Variants in STXBP4 observed in about 807,000 individuals in gnomAD.
The protein encoded by STXBP4 is syntaxin binding protein 4.
STXBP4 carries 55 observed loss-of-function variants against 76.1 expected under a neutral mutation model. The ratio of observed to expected loss-of-function variants is 0.72; its 90% CI spans 0.58 to 0.91. The LOEUF (loss-of-function observed/expected upper bound fraction) is 0.91. Ranked by LOEUF, STXBP4 falls within the 40% of genes least tolerant of loss-of-function variation. The pLI is 0.00. For missense variants in STXBP4, 618 were observed against 636.9 expected (o/e 0.97, Z 0.32); for synonymous variants, 201 against 220.2 (o/e 0.91, Z 0.77).
chr17:55,077,110 G>T (rs1214219266), intron 13 of STXBP4, among the ~76,000 whole-genome samples: 1 of 151,982 alleles, frequency 6.6e-6, no homozygotes, highest in East Asian at 1.9e-4. Flanking sequence ...TTAAATATCT[G>T]CTGTCTTTAT....
At chr17:55,022,920 A>G (rs1016833224) in intron 8 of STXBP4, among the ~76,000 whole-genome samples, 8 of 152,190 alleles carry the variant, frequency 5.3e-5, no homozygotes, top group Admixed American at 6.5e-5. Flanking sequence ...GTAAAAAGCC[A>G]TTGAGCCATT....
At chr17:55,098,119 A>T (rs920995422) in intron 16 of STXBP4, among the ~76,000 whole-genome samples, 2 of 152,172 alleles carry the variant, frequency 1.3e-5, no homozygotes, top group African/African-American at 4.8e-5. Flanking sequence ...GAGAACTGGA[A>T]ACCCTGGAAG....
At chr17:55,184,449 T>C in the STXBP4 span, among the ~76,000 whole-genome samples, 1 of 152,240 alleles carries the variant, frequency 6.6e-6, no homozygotes, top group African/African-American at 2.4e-5. Context: ...TCTAGCACCC[T>C]TGAAGTCCCC....
intron 16 of STXBP4, 128 bp downstream of exon 16, chr17:55,081,311 T>C (rs374958044): frequency 1.8e-5 from 11 of 610,732 alleles, no homozygotes; most frequent in East Asian, 1.7e-4. Flanking sequence ...ATAAAAATAT[T>C]AATGTACCAA....
intron 17 of STXBP4, among the ~76,000 whole-genome samples, chr17:55,142,115 T>C (rs1207346952): frequency 6.6e-6 from 1 of 152,212 alleles, no homozygotes; most frequent in East Asian, 1.9e-4. Context: ...AAGATTCTAC[T>C]ATCTGCACTA....
chr17:55,047,795 A>G (rs2144763548), intron 12 of STXBP4, among the ~76,000 whole-genome samples: 1 of 152,054 alleles, frequency 6.6e-6, no homozygotes, highest in African/African-American at 2.4e-5. Flanking sequence ...AGATAGAACC[A>G]TACAGGACCC....
intron 8 of STXBP4, among the ~76,000 whole-genome samples, chr17:55,027,286 A>G (rs2078433238): frequency 6.6e-6 from 1 of 152,170 alleles, no homozygotes; most frequent in East Asian, 1.9e-4. Flanking sequence ...CTGGTAGCTT[A>G]ACACAAGGGA....
At chr17:54,984,590 G>T (rs12941554) in intron 1 of STXBP4, among the ~76,000 whole-genome samples, 1 of 151,606 alleles carries the variant, frequency 6.6e-6, no homozygotes, top group Admixed American at 6.6e-5. Flanking sequence ...TGATCCACCC[G>T]CCTCGGCCAC....
chr17:55,097,249 G>A (rs925297578), intron 16 of STXBP4, among the ~76,000 whole-genome samples: 1 of 152,182 alleles, frequency 6.6e-6, no homozygotes, highest in African/African-American at 2.4e-5. Context: ...TCTTAGACAA[G>A]TTATTTTACA....
the STXBP4 span, among the ~76,000 whole-genome samples, chr17:55,187,669 C>A: frequency 6.6e-6 from 1 of 152,160 alleles, no homozygotes; most frequent in African/African-American, 2.4e-5. Context: ...CCGAATTTCC[C>A]CCCAGGGAGG....
intron 12 of STXBP4, among the ~76,000 whole-genome samples, chr17:55,069,924 G>A (rs1472002842): frequency 1.3e-5 from 2 of 151,832 alleles, no homozygotes; most frequent in Non-Finnish European, 2.9e-5. Context: ...AGAATTTCCT[G>A]CCCTTTCTCT....
intron 16 of STXBP4, among the ~76,000 whole-genome samples, chr17:55,086,314 T>A (rs1252205464): frequency 1.3e-5 from 2 of 152,180 alleles, no homozygotes; most frequent in Non-Finnish European, 2.9e-5. Context: ...ATAGTGATAT[T>A]TTGATACACA....
At chr17:55,111,175 A>G (rs991124025) in intron 16 of STXBP4, among the ~76,000 whole-genome samples, 36 of 152,300 alleles carry the variant, frequency 2.4e-4, no homozygotes, top group African/African-American at 7.9e-4. Context: ...CCTTCAATAC[A>G]TAAATTAGAC....
At chr17:55,093,015 G>T (rs1174521956) in intron 16 of STXBP4, among the ~76,000 whole-genome samples, 1 of 151,384 alleles carries the variant, frequency 6.6e-6, no homozygotes, top group African/African-American at 2.4e-5. Context: ...GTTTTTTGGA[G>T]ACAGGGTCTC....
At chr17:55,020,436 G>C (rs978275047) in intron 8 of STXBP4, among the ~76,000 whole-genome samples, 2 of 144,712 alleles carry the variant, frequency 1.4e-5, no homozygotes, top group Non-Finnish European at 3.1e-5. Context: ...TGCAGTCTTT[G>C]GCTGTCAAAT....
At chr17:55,083,653 T>C (rs1687618815) in intron 16 of STXBP4, among the ~76,000 whole-genome samples, 1 of 152,176 alleles carries the variant, frequency 6.6e-6, no homozygotes, top group Non-Finnish European at 1.5e-5. Flanking sequence ...CTGATGACTC[T>C]ACTGGGCTGG....
intron 8 of STXBP4, among the ~76,000 whole-genome samples, chr17:55,010,179 C>T (rs1173792591): frequency 1.3e-5 from 2 of 151,778 alleles, no homozygotes; most frequent in African/African-American, 4.8e-5. Context: ...AATTAGCCTA[C>T]CCAGTACAAT....
At chr17:55,059,228 G>A (rs2078967635) in intron 12 of STXBP4, among the ~76,000 whole-genome samples, 1 of 151,912 alleles carries the variant, frequency 6.6e-6, no homozygotes, top group Non-Finnish European at 1.5e-5. Context: ...TTGTAACTCA[G>A]GCTGATTGCA....
intron 4 of STXBP4, among the ~76,000 whole-genome samples, chr17:54,992,291 G>A (rs187894415): frequency 6.6e-6 from 1 of 151,798 alleles, no homozygotes; most frequent in East Asian, 1.9e-4. Context: ...GGTGTTGCAT[G>A]CCAGTAGTCC....
Sources: allele counts gnomAD v4.1 joint callset (sites outside exome capture counted in the v4.1 genomes callset), GRCh38; gene constraint gnomAD v4.1.1; transcripts MANE v1.5; gene names NCBI Gene and HGNC (gene_info 2026-07-23, HGNC 2026-07-21).